MMP16: variants seen among roughly 807,000 people sequenced by gnomAD.
MMP16 encodes the protein matrix metallopeptidase 16.
A neutral mutation model predicts 67.8 loss-of-function variants in MMP16; 12 were observed. That is an observed-to-expected ratio of 0.18 (90% CI 0.11 to 0.29). MMP16 has a LOEUF of 0.29. Ranked by LOEUF, MMP16 falls within the 10% of genes least tolerant of loss-of-function variation. MMP16 has a pLI of 1.00. For missense variants in MMP16, 475 were observed against 765.7 expected (o/e 0.62, Z 4.48); for synonymous variants, 249 against 255.9 (o/e 0.97, Z 0.26).
At chr8:88,306,117 C>T (rs967501244) in intron 1 of MMP16, among the ~76,000 whole-genome samples, 1 of 151,690 alleles carries the variant, frequency 6.6e-6, no homozygotes, top group Admixed American at 6.6e-5. Flanking sequence ...CACCATTGAC[C>T]CCACAGAAAT....
intron 1 of MMP16, among the ~76,000 whole-genome samples, chr8:88,237,538 A>G (rs1809961531): frequency 6.6e-6 from 1 of 151,688 alleles, no homozygotes; most frequent in Non-Finnish European, 1.5e-5. Flanking sequence ...AGTCCCAGCT[A>G]CTCGGGAGGC....
chr8:88,180,470 TA>T (rs992650744), intron 3 of MMP16, among the ~76,000 whole-genome samples: 1 of 151,950 alleles, frequency 6.6e-6, no homozygotes, highest in African/African-American at 2.4e-5. Flanking sequence ...TTATGCACAT[TA>T]AAAAAACTAA....
chr8:88,229,772 T>C (rs1412802753), intron 1 of MMP16, among the ~76,000 whole-genome samples: 1 of 151,972 alleles, frequency 6.6e-6, no homozygotes, highest in Non-Finnish European at 1.5e-5. Flanking sequence ...TTAGTTGATG[T>C]GAATAACAAG....
intron 9 of MMP16, among the ~76,000 whole-genome samples, chr8:88,044,126 G>T (rs1347453285): frequency 6.6e-6 from 1 of 152,184 alleles, no homozygotes; most frequent in Non-Finnish European, 1.5e-5. Context: ...GAGTAGAATT[G>T]CAGTTACTGA....
intron 4 of MMP16, among the ~76,000 whole-genome samples, chr8:88,120,680 A>T (rs2118441810): frequency 6.6e-6 from 1 of 152,096 alleles, no homozygotes. Context: ...TTGGTATTCA[A>T]GTTCACCATG....
intron 1 of MMP16, among the ~76,000 whole-genome samples, chr8:88,276,683 T>A (rs375969987): frequency 5.9e-5 from 9 of 152,256 alleles, no homozygotes; most frequent in Middle Eastern, 3.4e-3. Flanking sequence ...CAGTCATTCC[T>A]ATTCAGATGT....
chr8:88,210,249 A>T (rs747229269), intron 1 of MMP16, among the ~76,000 whole-genome samples: 1 of 152,188 alleles, frequency 6.6e-6, no homozygotes, highest in African/African-American at 2.4e-5. Flanking sequence ...CCACTCAAAC[A>T]TACAGCACTC....
intron 4 of MMP16, among the ~76,000 whole-genome samples, chr8:88,154,094 C>T (rs200074992): frequency 7.3e-6 from 1 of 137,026 alleles, no homozygotes; most frequent in South Asian, 2.6e-4. Flanking sequence ...GACATTTATG[C>T]AGCCAAAAAA....
chr8:88,041,916 T>TA lies in MMP16; in HGVS notation c.1490-122dup. 1 of 757,510 alleles carries TA rather than the reference T, an allele frequency of 1.3e-6. No homozygotes were observed. The highest frequency in any genetic ancestry group is 2.1e-6 in the Non-Finnish European group (1 of 478,390). The allele number at this position is 757,510 out of a possible 1,614,324, so 46.9% of individuals were successfully genotyped here. ...GTATTTTAAGGCCCTTTAATTTTCA[T>TA]AGGAAGAAAACACTATTTTCAGCTC... On this transcript the variant is annotated intron_variant, in intron 9 of 9. Transcript: ENST00000286614. The surrounding 1 kb of genome is among the most constrained non-coding windows in gnomAD (Gnocchi z 6.0).
intron 6 of MMP16, among the ~76,000 whole-genome samples, chr8:88,089,539 C>T (rs983515890): frequency 2.0e-5 from 3 of 151,594 alleles, no homozygotes; most frequent in Non-Finnish European, 4.4e-5. Flanking sequence ...GATGGGGCAT[C>T]CAATGACATG....
chr8:88,234,939 C>T (rs892114414), intron 1 of MMP16, among the ~76,000 whole-genome samples: 1 of 152,114 alleles, frequency 6.6e-6, no homozygotes, highest in African/African-American at 2.4e-5. Flanking sequence ...GTGTTATTAA[C>T]CCCAGCGAGG....
chr8:88,172,514 T>C (rs1003709509), intron 3 of MMP16, among the ~76,000 whole-genome samples: 17 of 152,066 alleles, frequency 1.1e-4, no homozygotes, highest in Non-Finnish European at 1.6e-4. Context: ...GGTCACAGAG[T>C]GATCATGAGG....
chr8:88,068,912 G>A (rs1278406626), intron 7 of MMP16, among the ~76,000 whole-genome samples: 1 of 152,074 alleles, frequency 6.6e-6, no homozygotes, highest in Non-Finnish European at 1.5e-5. Context: ...ATGTTGGCCA[G>A]GCTGGTCTTG....
At chr8:88,072,963 A>G (rs1021272454) in intron 7 of MMP16, among the ~76,000 whole-genome samples, 3 of 152,142 alleles carry the variant, frequency 2.0e-5, no homozygotes, top group Non-Finnish European at 4.4e-5. Flanking sequence ...CAAAGCGAAT[A>G]AAAGTGAGAA....
chr8:88,110,704 T>G (rs1809320426), intron 6 of MMP16, among the ~76,000 whole-genome samples: 1 of 151,810 alleles, frequency 6.6e-6, no homozygotes, highest in Admixed American at 6.6e-5. Flanking sequence ...ACTAAAGTGA[T>G]ATGATATGAA....
intron 4 of MMP16, among the ~76,000 whole-genome samples, chr8:88,153,080 CAG>C (rs1452253273): frequency 7.3e-6 from 1 of 136,390 alleles, no homozygotes; most frequent in East Asian, 2.1e-4. Context: ...AACAGACAAA[CAG>C]AGAGCCAAAT....
chr8:88,107,380 G>A (rs184558459), intron 6 of MMP16, among the ~76,000 whole-genome samples: 1 of 150,948 alleles, frequency 6.6e-6, no homozygotes, highest in African/African-American at 2.4e-5. Flanking sequence ...TTAATTTTTA[G>A]AATAATCAGG....
chr8:88,184,563 G>GGAA (rs1484208942), intron 3 of MMP16, among the ~76,000 whole-genome samples: 1 of 10,930 alleles, frequency 9.1e-5, no homozygotes, highest in African/African-American at 5.3e-4. Context: ...CTCTCTCTCT[G>GGAA]AAAAAAAAAA....
At chr8:88,300,995 C>A (rs963626043) in intron 1 of MMP16, among the ~76,000 whole-genome samples, 9 of 152,104 alleles carry the variant, frequency 5.9e-5, no homozygotes, top group African/African-American at 1.9e-4. Flanking sequence ...GGCAGGGAGA[C>A]ACAGGAAGGT....
Sources: allele counts gnomAD v4.1 joint callset (sites outside exome capture counted in the v4.1 genomes callset), GRCh38; gene constraint gnomAD v4.1.1; non-coding constraint Gnocchi (gnomAD v3.1); transcripts MANE v1.5; gene names NCBI Gene and HGNC (gene_info 2026-07-23, HGNC 2026-07-21).